LPCAT1: variants seen among roughly 807,000 people sequenced by gnomAD.
The protein encoded by LPCAT1 is lysophosphatidylcholine acyltransferase 1, also known as 1-acylglycerol-3-phosphate O-acyltransferase.
In LPCAT1, 23 loss-of-function variants were observed where a neutral mutation model predicts 60.9. The observed-to-expected ratio is 0.38, with a 90% CI of 0.27 to 0.53. The LOEUF is 0.53. LPCAT1 is among the 20% of genes least tolerant of loss of function. The probability of loss-of-function intolerance (pLI) is 0.82; values close to 1 mark genes in which losing one functional copy is unlikely to be tolerated. For missense variants in LPCAT1, 622 were observed against 723.6 expected (o/e 0.86, Z 1.61); for synonymous variants, 340 against 301.1 (o/e 1.13, Z -1.34).
At chr5:1,493,595 C>A (rs960543621) in intron 3 of LPCAT1, among the ~76,000 whole-genome samples, 10 of 152,362 alleles carry the variant, frequency 6.6e-5, no homozygotes, top group African/African-American at 2.2e-4. Flanking sequence ...CCCGCTGTGC[C>A]CCAGAACGTG....
rs1406949101 is a variant in LPCAT1, at chr5:1,480,472, C to T, written c.761+470G>A. 3 of 624,252 alleles carry T rather than the reference C, an allele frequency of 4.8e-6. No individual in the cohort carries two copies. Among genetic ancestry groups the T allele is most frequent in the Non-Finnish European group, 6.0e-6 (3 of 500,350 alleles). 38.7% of individuals were successfully genotyped at this position (624,252 alleles called of 1,614,324 possible). A position where few individuals can be genotyped will look rare whatever the true frequency, so the allele number is the denominator to read the frequency against. On this transcript the variant is annotated intron_variant, in intron 7 of 13. Coordinates refer to ENST00000283415, the MANE Select transcript of LPCAT1 (RefSeq NM_024830.5). This position sits in a 1 kb window ranked among gnomAD's most constrained non-coding sequence, Gnocchi z 6.4. ...CCGGGCTTCTCCTCTGGGGCTCGTT[C>T]CCGTTTCCGTGGGGTTGTTCATTGT...
chr5:1,477,350 G>T lies in LPCAT1; in HGVS notation c.899+54C>A. Reference sequence around the variant, plus strand: ...GCCTATTTTAAATATACAGAGAGCAGCACTCTGGGAGACACCCCTGACTCG... The same window carrying T: ...GCCTATTTTAAATATACAGAGAGCATCACTCTGGGAGACACCCCTGACTCG... On this transcript the variant is annotated intron_variant, in intron 9 of 13. Transcript: ENST00000283415. The surrounding 1 kb of genome is among the most constrained non-coding windows in gnomAD (Gnocchi z 6.0). 2 of 1,416,362 alleles carry T rather than the reference G, an allele frequency of 1.4e-6. No homozygotes were observed. The highest frequency in any genetic ancestry group is 2.0e-6 in the Non-Finnish European group (2 of 1,005,766). 87.7% of individuals were successfully genotyped at this position (1,416,362 alleles called of 1,614,324 possible).
intron 1 of LPCAT1, among the ~76,000 whole-genome samples, chr5:1,514,618 C>T (rs1736450284): frequency 6.6e-6 from 1 of 151,702 alleles, no homozygotes; most frequent in African/African-American, 2.4e-5. Flanking sequence ...GCACCCTACG[C>T]CGCCAGGCAC....
chr5:1,490,877 C>T (rs951357277), intron 3 of LPCAT1, among the ~76,000 whole-genome samples: 4 of 151,680 alleles, frequency 2.6e-5, no homozygotes, highest in Non-Finnish European at 5.9e-5. Context: ...ACACTCGGCG[C>T]CCCCCAGGCC....
intron 1 of LPCAT1, among the ~76,000 whole-genome samples, chr5:1,514,715 A>G (rs73033830): frequency 0.13 from 19,098 of 152,230 alleles, 4,027 homozygotes; most frequent in African/African-American, 0.44. Context: ...CGCTGCAGAC[A>G]GTGATACATC....
At chr5:1,471,624 T>G (rs543928865) in intron 11 of LPCAT1, among the ~76,000 whole-genome samples, 7 of 144,658 alleles carry the variant, frequency 4.8e-5, no homozygotes, top group African/African-American at 1.8e-4. Flanking sequence ...CAGCAGGAGA[T>G]GAAGGGCAAC....
intron 1 of LPCAT1, among the ~76,000 whole-genome samples, chr5:1,512,963 G>T (rs1294563778): frequency 6.6e-6 from 1 of 152,228 alleles, no homozygotes; most frequent in Non-Finnish European, 1.5e-5. Flanking sequence ...GATGGCACGC[G>T]CCGGCATCCT....
At chr5:1,491,029 T>A (rs1416607341) in intron 3 of LPCAT1, among the ~76,000 whole-genome samples, 3 of 152,104 alleles carry the variant, frequency 2.0e-5, no homozygotes, top group Non-Finnish European at 4.4e-5. Context: ...CTTTTATTCT[T>A]TCTTGGAGGT....
chr5:1,466,626 C>T, intron 13 of LPCAT1, 123 bp downstream of exon 13: 2 of 1,101,160 alleles, frequency 1.8e-6, no homozygotes, highest in Non-Finnish European at 2.5e-6. Context: ...CACAGGGCAG[C>T]CTGGTGAATG....
chr5:1,522,625 A>T lies in LPCAT1; in HGVS notation c.135+1085T>A, dbSNP rs1318025497. Among the ~76,000 whole-genome samples, 1 of 152,220 alleles carries T rather than the reference A, an allele frequency of 6.6e-6. No individual in the cohort carries two copies. The highest frequency in any genetic ancestry group is 1.5e-5 in the Non-Finnish European group (1 of 68,010). ...GCGTCCTGGGAAAATGACAAGCTCA[A>T]ACTGGCCTCAAGAACTTTTCACTTC... On this transcript the variant is annotated intron_variant, in intron 1 of 13. Transcript: ENST00000283415. This position sits in a 1 kb window ranked among gnomAD's most constrained non-coding sequence, Gnocchi z 6.8.
rs115168571 is a variant in LPCAT1, at chr5:1,518,878, C to A, written c.135+4832G>T. On this transcript the variant is annotated intron_variant, in intron 1 of 13. Transcript: ENST00000283415. ...CCACGACCACAGGCAGTGAAGGAGG[C>A]GCCCTGGGTGTCATCTCCTGTCTGG... 5.9e-3 allele frequency among the ~76,000 whole-genome samples: 898 copies of A among 152,358 alleles called. 14 individuals are homozygous for A. The highest frequency in any genetic ancestry group is 0.02 in the African/African-American group (848 of 41,574).
intron 12 of LPCAT1, chr5:1,467,123 G>C (rs1734447345): frequency 2.5e-6 from 1 of 403,206 alleles, no homozygotes; most frequent in Non-Finnish European, 4.3e-6. Flanking sequence ...ATGCTTCTCG[G>C]GCAAGGGCTC....
rs1561000556 is a variant in LPCAT1, at chr5:1,522,705, A to T, written c.135+1005T>A. The stretch of plus-strand genomic sequence containing the variant: ...ATTAACAAATCTCCATCTTCCCGGA[A>T]ATCTATTCTCACAATTGGAAGCGTG... On this transcript the variant is annotated intron_variant, in intron 1 of 13. Coordinates refer to ENST00000283415, the MANE Select transcript of LPCAT1 (RefSeq NM_024830.5). This position sits in a 1 kb window ranked among gnomAD's most constrained non-coding sequence, Gnocchi z 6.8. 6.6e-6 allele frequency among the ~76,000 whole-genome samples: 1 copy of T among 152,206 alleles called. No homozygotes were observed. Among genetic ancestry groups the T allele is most frequent in the Non-Finnish European group, 1.5e-5 (1 of 68,036 alleles).
chr5:1,465,231 ACAAG>A (rs1486032294), intron 13 of LPCAT1, among the ~76,000 whole-genome samples: 1 of 148,188 alleles, frequency 6.7e-6, no homozygotes, highest in African/African-American at 2.6e-5. Context: ...CACACACAAA[ACAAG>A]CACACGCACA....
rs991120476 is a variant in LPCAT1 at position 1,465,478 on chromosome 5, CAAA to C, written c.1420+1268_1420+1270del. On this transcript the variant is annotated intron_variant, in intron 13 of 13. Coordinates refer to ENST00000283415, the MANE Select transcript of LPCAT1 (RefSeq NM_024830.5). The stretch of plus-strand genomic sequence containing the variant: ...CAGTAACTAAACATGCATGCACACA[CAAA>C]ACAAGCGCATGCGCACACAGTAAAC... 2.0e-5 allele frequency among the ~76,000 whole-genome samples: 3 copies of C among 149,926 alleles called. No individual in the cohort carries two copies. The East Asian group carries it at 5.9e-4, about 30-fold the overall frequency.
chr5:1,520,874 A>AG (rs1257588732), intron 1 of LPCAT1, among the ~76,000 whole-genome samples: 1 of 150,618 alleles, frequency 6.6e-6, no homozygotes, highest in African/African-American at 2.4e-5. Context: ...AAAAAAAAAA[A>AG]AAAAAGAAAA....
At chr5:1,466,590 CT>C (rs1734415098) in intron 13 of LPCAT1, among the ~76,000 whole-genome samples, 158 bp downstream of exon 13, 3 of 152,208 alleles carry the variant, frequency 2.0e-5, no homozygotes, top group African/African-American at 7.2e-5. Flanking sequence ...TCTCCAGAAC[CT>C]TCCTTCTCAG....
chr5:1,485,257 G>T (rs898784464), intron 5 of LPCAT1, among the ~76,000 whole-genome samples: 6 of 152,180 alleles, frequency 3.9e-5, no homozygotes, highest in Non-Finnish European at 1.5e-5. Context: ...AGCCTGAAAG[G>T]TCAGTGACTT....
rs761012101 is a variant in LPCAT1 at position 1,463,827 on chromosome 5, G to A, written c.1429C>T (p.His477Tyr). 179 of 1,613,884 alleles carry A rather than the reference G, an allele frequency of 1.1e-4. No individual in the cohort carries two copies. The highest frequency in any genetic ancestry group is 1.5e-4 in the Non-Finnish European group (176 of 1,179,916). Residue 477 changes from histidine to tyrosine, a missense_variant, in exon 14 of 14, where the codon CAC becomes TAC. Coordinates refer to ENST00000283415, the MANE Select transcript of LPCAT1 (RefSeq NM_024830.5). ...EKGKITFADF[H>Y]RFAEMYPAFA... ...GCAGGGTACATTTCTGCAAACCTGT[G>A]GAAGTCAGCTGGAAAGACAAAGGCA...
Sources: gnomAD v4.1 joint callset for allele counts (sites outside exome capture counted in the v4.1 genomes callset) on GRCh38, gnomAD v4.1.1 for gene constraint, Gnocchi (gnomAD v3.1) non-coding constraint, MANE v1.5 for transcripts, NCBI Gene and HGNC (gene_info 2026-07-23, HGNC 2026-07-21) for gene names.